The following EIF4A2 variants were observed in gnomAD, a reference collection of about 807,000 sequenced individuals.
EIF4A2 encodes eukaryotic initiation factor 4A-II.
A neutral mutation model predicts 50.6 loss-of-function variants in EIF4A2; 9 were observed. The observed-to-expected ratio is 0.18, with a 90% CI of 0.11 to 0.31. EIF4A2 has a LOEUF of 0.31. Ranked by LOEUF, EIF4A2 falls within the 10% of genes least tolerant of loss-of-function variation. EIF4A2 has a pLI of 1.00. For missense variants in EIF4A2, 182 were observed against 501.8 expected, an observed-to-expected ratio of 0.36 and a Z score of 6.09; for synonymous variants, 215 against 164.4, an observed-to-expected ratio of 1.31 and a Z score of -2.35.
At chr3:186,783,897 G>A in intron 1 of EIF4A2, 1 of 564,010 alleles carries the variant, frequency 1.8e-6, no homozygotes, top group Non-Finnish European at 3.1e-6. Flanking sequence ...TTCCTTCCCA[G>A]TGTAGAGCAC....
intron 10 of EIF4A2, 113 bp from the exon 11 acceptor site, chr3:186,789,012 C>T (rs1352414362): frequency 1.5e-5 from 21 of 1,427,192 alleles, no homozygotes; most frequent in African/African-American, 2.9e-5. Context: ...GTTAGAAGCA[C>T]GAACTATAAC....
intron 10 of EIF4A2, 70 bp downstream of exon 10, chr3:186,787,952 G>T (rs1051278659): frequency 1.3e-6 from 2 of 1,489,102 alleles, no homozygotes; most frequent in Non-Finnish European, 1.9e-6. Flanking sequence ...TGTATGAAAG[G>T]TAACATCAAA....
At chr3:186,787,778 T>G in intron 9 of EIF4A2, 25 bp from the exon 10 acceptor site, 1 of 1,614,042 alleles carries the variant, frequency 6.2e-7, no homozygotes, top group Non-Finnish European at 8.5e-7. Flanking sequence ...TGAATCAATT[T>G]TTAAAACATG....
In EIF4A2 at chr3:186,784,908, G is replaced by T. The variant is rs75553325; in HGVS notation, c.209-54G>T. 8 of 1,613,746 alleles carry T rather than the reference G, an allele frequency of 5.0e-6. No homozygotes were observed. The South Asian group carries it at 7.7e-5, about 16-fold the overall frequency. ...TTCCAAATGGAATACATGGTGTGAA[G>T]TAGAAGTGACAATTTGATGTGGGAT... On this transcript the variant is annotated intron_variant, in intron 3 of 10. Coordinates refer to ENST00000323963, the MANE Select transcript of EIF4A2 (RefSeq NM_001967.4).
intron 1 of EIF4A2, 21 bp from the exon 2 acceptor site, chr3:186,784,411 C>T (rs752007500): frequency 3.1e-6 from 5 of 1,614,176 alleles, no homozygotes; most frequent in South Asian, 1.1e-5. Flanking sequence ...GGGTGTCTGA[C>T]TGCAGTATTC....
In EIF4A2 at chr3:186,787,593, C is replaced by G. The variant is rs900067207; in HGVS notation, c.999+9C>G. On this transcript the variant is annotated intron_variant, in intron 9 of 10. Transcript: ENST00000323963. ...TCACTACTGACTTGTTGGTAAGTCT[C>G]TTAATGCTTTTTAAAAATCTACCAA... The G allele has an allele frequency of 1.2e-6, 2 of 1,613,770 alleles. No homozygotes were observed. Among genetic ancestry groups the G allele is most frequent in the African/African-American group, 2.7e-5 (2 of 74,902 alleles).
chr3:186,784,538 C>A, intron 2 of EIF4A2, 26 bp from the exon 3 acceptor site: 1 of 1,614,036 alleles, frequency 6.2e-7, no homozygotes, highest in Non-Finnish European at 8.5e-7. Context: ...CTCATTTATG[C>A]GTGCATTATT....
At chr3:186,784,853 T>G (rs1009087477) in intron 3 of EIF4A2, 109 bp from the exon 4 acceptor site, 7 of 1,602,114 alleles carry the variant, frequency 4.4e-6, no homozygotes, top group Admixed American at 1.7e-5. Context: ...GAATACTCAT[T>G]GCTGATCACT....
Position 186,787,857 on chromosome 3 carries a change from A to T in EIF4A2, c.1054A>T (p.Thr352Ser), listed in dbSNP as rs1721834229. The T allele has an allele frequency of 6.2e-7, 1 of 1,613,676 alleles. No homozygotes were observed. Among genetic ancestry groups the T allele is most frequent in the South Asian group, 1.1e-5 (1 of 91,080 alleles). Residue 352 changes from threonine (T) to serine (S), a missense_variant, in exon 10 of 11, where the codon ACC becomes TCC. By Grantham distance (58) the Thr-to-Ser change is moderately conservative. This residue lies in a region of EIF4A2 where 7 missense variants were observed against 16.2 expected (regional missense o/e 0.43). Transcript: ENST00000323963. ...VSLVINYDLP[T>S]NRENYIHRIG... ...TTTGGTTATAAATTATGATCTACCT[A>T]CCAATCGTGAAAACTATATTCACAG...
In EIF4A2 at chr3:186,787,760, A is replaced by G. The variant is rs754231683; in HGVS notation, c.1000-43A>G. ...TTTGTGGCCTACATGACAGGTGTCA[A>G]GTTTTTTTGAATCAATTTTTAAAAC... On this transcript the variant is annotated intron_variant, in intron 9 of 10. Coordinates refer to ENST00000323963, the MANE Select transcript of EIF4A2 (RefSeq NM_001967.4). 2.2e-5 allele frequency: 35 copies of G among 1,612,822 alleles called. 1 individual carries two copies. The highest frequency in any genetic ancestry group is 5.5e-5 in the South Asian group (5 of 91,064).
chr3:186,788,304 A>C, intron 10 of EIF4A2: 1 of 1,291,350 alleles, frequency 7.7e-7, no homozygotes, highest in Non-Finnish European at 1.0e-6. Flanking sequence ...TTTTTAAAAA[A>C]TACAGGAGTC....
intron 5 of EIF4A2, 49 bp downstream of exon 5, chr3:186,786,100 T>G: frequency 6.2e-7 from 1 of 1,601,164 alleles, no homozygotes; most frequent in South Asian, 1.1e-5. Context: ...GTTAACATAG[T>G]TGAAAAGTCA....
intron 10 of EIF4A2, chr3:186,788,093 T>C (rs1361983620): frequency 3.2e-5 from 23 of 707,952 alleles, no homozygotes; most frequent in Non-Finnish European, 5.0e-5. Context: ...ATAGGGTTTT[T>C]TTCCACAATT....
rs201090177 is a variant in EIF4A2 at position 186,783,634 on chromosome 3, T to C, written c.24T>C (p.Tyr8=). 2.7e-4 allele frequency: 432 copies of C among 1,614,166 alleles called. No individual in the cohort carries two copies. Among genetic ancestry groups the C allele is most frequent in the Non-Finnish European group, 3.3e-4 (395 of 1,180,030 alleles). The change falls in exon 1 of 11, where the codon TAT becomes TAC. Residue 8 remains tyrosine (Y), a synonymous_variant. Transcript: ENST00000323963. The part of the protein sequence containing the change: MSGGSAD[Y]NREHGGPEGM... ...TCATGTCTGGTGGCTCCGCGGATTA[T>C]AACAGGTATGCAGTCTGTTGGCGGT...
At position 186,785,855 on chromosome 3, in the gene EIF4A2, G is replaced by A. The variant is rs535283668; in HGVS notation, c.349-28G>A. 5.7e-6 allele frequency: 9 copies of A among 1,576,948 alleles called. No homozygotes were observed. The African/African-American group carries it at 6.8e-5, about 12-fold the overall frequency. On this transcript the variant is annotated intron_variant, in intron 4 of 10. Coordinates refer to ENST00000323963, the MANE Select transcript of EIF4A2 (RefSeq NM_001967.4). ...TTAGTCATTGATCCTGGAGTTCTGC[G>A]GAATAATAATTAAGGCTTGGGTTTT...
chr3:186,784,767 G>A (rs1192597016), intron 3 of EIF4A2, 71 bp downstream of exon 3: 15 of 1,608,280 alleles, frequency 9.3e-6, no homozygotes, highest in Non-Finnish European at 1.3e-5. Context: ...AGTAACCTCT[G>A]GGGGACTAGC....
In EIF4A2 at chr3:186,789,363, CTT is replaced by C; in HGVS notation, c.*95_*96del. ...CTTCTTTCTTTGGGAATATTTGAAT[CTT>C]GTCTCAATGCTCATAACGGATCAGA... is the stretch of plus-strand genomic sequence containing the variant. On this transcript the variant is annotated 3_prime_UTR_variant, in exon 11 of 11. Coordinates refer to ENST00000323963, the MANE Select transcript of EIF4A2 (RefSeq NM_001967.4). 6.7e-7 allele frequency: 1 copy of C among 1,491,112 alleles called. No individual in the cohort carries two copies. Among genetic ancestry groups the C allele is most frequent in the African/African-American group, 1.4e-5 (1 of 71,122 alleles). 92.4% of individuals were successfully genotyped at this position (1,491,112 alleles called of 1,614,324 possible).
At chr3:186,785,273 G>A in intron 4 of EIF4A2, 172 bp downstream of exon 4, 1 of 894,134 alleles carries the variant, frequency 1.1e-6, no homozygotes. Flanking sequence ...GGGTATGCAG[G>A]TATGGTTTGT....
At chr3:186,788,272 GTTATA>G (rs1255623146) in intron 10 of EIF4A2, 8 of 1,284,110 alleles carry the variant, frequency 6.2e-6, no homozygotes, top group African/African-American at 1.5e-5. Flanking sequence ...ATTGTACTTT[GTTATA>G]TGATGTAAAA....
Sources: allele counts gnomAD v4.1 joint callset, GRCh38; gene constraint gnomAD v4.1.1; regional missense constraint gnomAD v4.1.1; transcripts MANE v1.5; gene names NCBI Gene and HGNC (gene_info 2026-07-23, HGNC 2026-07-21).